GRM8: variants seen among roughly 807,000 people sequenced by gnomAD.
The protein encoded by GRM8 is glutamate metabotropic receptor 8.
Under a neutral mutation model 87.2 loss-of-function variants are expected in GRM8, and 47 were observed. That is an observed-to-expected ratio of 0.54 (90% CI 0.43 to 0.69). GRM8 has a LOEUF of 0.69. Among genes scored for constraint, GRM8 ranks in the 30% least tolerant of loss-of-function variants. GRM8 has a pLI of 0.00. For synonymous variants in GRM8, 396 were observed against 404.5 expected, an observed-to-expected ratio of 0.98 and a Z score of 0.25; for missense variants, 1,019 against 1,139.2, an observed-to-expected ratio of 0.89 and a Z score of 1.52.
chr7:127,244,178 G>A (rs17869814), intron 1 of GRM8, among the ~76,000 whole-genome samples: 3,061 of 152,266 alleles, frequency 0.02, 119 homozygotes, highest in African/African-American at 0.07. Context: ...GGTGACATGT[G>A]AAGATATTCC....
chr7:127,066,753 A>G (rs578020694), intron 3 of GRM8, among the ~76,000 whole-genome samples: 1 of 152,278 alleles, frequency 6.6e-6, no homozygotes, highest in South Asian at 2.1e-4. Context: ...AGCTAGCTGT[A>G]ATTTTGTAAG....
Position 126,904,068 on chromosome 7 carries a change from A to G in GRM8, c.922T>C (p.Ser308Pro), listed in dbSNP as rs1802436167. 4 of 1,611,648 alleles carry G rather than the reference A, an allele frequency of 2.5e-6. No individual in the cohort carries two copies. The South Asian group carries it at 3.3e-5, about 13-fold the overall frequency. Residue 308 changes from serine (S) to proline (P), a missense_variant, in exon 5 of 11, where the codon TCA (serine) becomes CCA (proline). Coordinates refer to ENST00000339582, the MANE Select transcript of GRM8 (RefSeq NM_000845.3). ...NQSGHFLWIGSDSWGSKIAPV... is the reference protein window; with the variant it reads ...NQSGHFLWIGPDSWGSKIAPV... ...GCTATTTTGGATCCCCAACTATCTG[A>G]GCCAATCCAGAGAAAATGCCCACTT...
At chr7:127,098,287 T>G (rs1304642463) in intron 3 of GRM8, among the ~76,000 whole-genome samples, 2 of 152,226 alleles carry the variant, frequency 1.3e-5, no homozygotes, top group Non-Finnish European at 2.9e-5. Context: ...ACATTAATAC[T>G]TTTCTCAAAT....
At chr7:127,132,356 A>C (rs1827734237) in intron 2 of GRM8, among the ~76,000 whole-genome samples, 1 of 152,136 alleles carries the variant, frequency 6.6e-6, no homozygotes, top group South Asian at 2.1e-4. Flanking sequence ...CTTTTATTGC[A>C]TTTTGTTCCT....
intron 2 of GRM8, among the ~76,000 whole-genome samples, chr7:127,194,602 A>T (rs1444830361): frequency 6.6e-6 from 1 of 152,144 alleles, no homozygotes; most frequent in Admixed American, 6.5e-5. Context: ...AATAAATAAT[A>T]CTTGGAAAAT....
At chr7:126,930,644 T>C (rs1805667453) in intron 3 of GRM8, among the ~76,000 whole-genome samples, 1 of 152,182 alleles carries the variant, frequency 6.6e-6, no homozygotes, top group African/African-American at 2.4e-5. Flanking sequence ...GTTATCCTAT[T>C]TAGTTTTCAT....
chr7:127,015,049 G>C (rs866928468), intron 3 of GRM8, among the ~76,000 whole-genome samples: 21 of 122,324 alleles, frequency 1.7e-4, no homozygotes, highest in Middle Eastern at 4.5e-3. Flanking sequence ...AGAAGAAGAA[G>C]AAGAAGAAGA....
At chr7:126,971,233 A>C (rs901685052) in intron 3 of GRM8, among the ~76,000 whole-genome samples, 2 of 151,682 alleles carry the variant, frequency 1.3e-5, no homozygotes, top group Non-Finnish European at 2.9e-5. Flanking sequence ...ACATATAAAC[A>C]TCATGTTGTA....
chr7:126,439,214 A>T (rs747710841), intron 10 of GRM8, 46 bp from the exon 11 acceptor site: 1 of 1,016,906 alleles, frequency 9.8e-7, no homozygotes, highest in Non-Finnish European at 1.6e-6. Context: ...ATAATAATAC[A>T]TCCTTTTGTT....
intron 6 of GRM8, among the ~76,000 whole-genome samples, chr7:126,841,058 G>A (rs912498451): frequency 1.3e-5 from 2 of 152,206 alleles, no homozygotes; most frequent in Admixed American, 6.5e-5. Context: ...GACATAGAAT[G>A]AGCCTTAACT....
intron 1 of GRM8, among the ~76,000 whole-genome samples, chr7:127,247,186 T>C (rs990856235): frequency 6.6e-6 from 1 of 152,206 alleles, no homozygotes; most frequent in Non-Finnish European, 1.5e-5. Flanking sequence ...GAAGATCCAA[T>C]GCGGTTTGTC....
intron 3 of GRM8, among the ~76,000 whole-genome samples, chr7:127,014,987 GGAAGAAGAAGAAGAAAGAAGAAGAA>G (rs1563412813): frequency 4.1e-4 from 40 of 98,558 alleles, no homozygotes; most frequent in African/African-American, 1.5e-3. Context: ...AAGGAGAAGA[GGAAGAAGAAGAAGAAAGAAGAAGAA>G]GAAGAAGAAG....
chr7:126,782,020 GC>G (rs1224726387), intron 6 of GRM8, among the ~76,000 whole-genome samples: 2 of 152,134 alleles, frequency 1.3e-5, no homozygotes, highest in Non-Finnish European at 2.9e-5. Flanking sequence ...AGCCATATCT[GC>G]TTTTTTCTAA....
At chr7:126,619,716 G>T (rs1311492541) in intron 7 of GRM8, among the ~76,000 whole-genome samples, 2 of 151,794 alleles carry the variant, frequency 1.3e-5, no homozygotes, top group South Asian at 4.2e-4. Flanking sequence ...TGGTGGAAAG[G>T]GTCTCCCTCT....
At chr7:127,208,738 A>T (rs1309032706) in intron 2 of GRM8, among the ~76,000 whole-genome samples, 1 of 152,160 alleles carries the variant, frequency 6.6e-6, no homozygotes, top group Non-Finnish European at 1.5e-5. Context: ...TCAGTCCTCT[A>T]ACCACTTGAT....
At chr7:126,570,629 T>C (rs368664205) in intron 8 of GRM8, among the ~76,000 whole-genome samples, 2 of 152,254 alleles carry the variant, frequency 1.3e-5, no homozygotes, top group East Asian at 3.9e-4. Context: ...ACATCTTCCT[T>C]TACCTGTATG....
intron 9 of GRM8, among the ~76,000 whole-genome samples, chr7:126,451,647 C>T (rs1802628633): frequency 6.6e-6 from 1 of 151,732 alleles, no homozygotes; most frequent in East Asian, 2.0e-4. Flanking sequence ...GACAATGGTC[C>T]ACAAGATCCT....
intron 8 of GRM8, among the ~76,000 whole-genome samples, chr7:126,589,057 T>G (rs1193561259): frequency 2.0e-5 from 3 of 152,054 alleles, no homozygotes; most frequent in African/African-American, 7.2e-5. Flanking sequence ...AGACCACAGA[T>G]AAAAAGAAAC....
intron 6 of GRM8, among the ~76,000 whole-genome samples, chr7:126,834,528 G>A (rs1795670418): frequency 6.6e-6 from 1 of 152,112 alleles, no homozygotes; most frequent in South Asian, 2.1e-4. Flanking sequence ...AAACATGAAG[G>A]AAAATGTATG....
Sources: gnomAD v4.1 joint callset for allele counts (sites outside exome capture counted in the v4.1 genomes callset) on GRCh38, gnomAD v4.1.1 for gene constraint, MANE v1.5 for transcripts, NCBI Gene and HGNC (gene_info 2026-07-23, HGNC 2026-07-21) for gene names.